The following FOXN4 variants were observed in gnomAD, a reference collection of about 807,000 sequenced individuals.
The protein encoded by FOXN4 is forkhead box N4.
FOXN4 carries 12 observed loss-of-function variants against 45.0 expected under a neutral mutation model. That is an observed-to-expected ratio of 0.27 (90% CI 0.17 to 0.43). The LOEUF is 0.43. Among genes scored for constraint, FOXN4 ranks in the 20% least tolerant of loss-of-function variants. The probability of loss-of-function intolerance (pLI) is 1.00; values close to 1 mark genes in which losing one functional copy is unlikely to be tolerated. For missense variants in FOXN4, 560 were observed against 694.9 expected (o/e 0.81, Z 2.18); for synonymous variants, 297 against 295.0 (o/e 1.01, Z -0.07).
chr12:109,307,472 GA>G lies in FOXN4; in HGVS notation c.86+763del, dbSNP rs1398243758. On this transcript the variant is annotated intron_variant, in intron 2 of 9. Transcript: ENST00000299162. ...CCTTTTCCTCCTTTTCCCTCCTGGAGACCTTGGACAAGCCCTTTCCCCTTTC... is the reference window on the plus strand; with the variant it reads ...CCTTTTCCTCCTTTTCCCTCCTGGAGCCTTGGACAAGCCCTTTCCCCTTTC... Among the ~76,000 whole-genome samples, 24 of 152,140 alleles carry G rather than the reference GA, an allele frequency of 1.6e-4. 2 individuals are homozygous for G. The highest frequency in any genetic ancestry group is 1.6e-3 in the Admixed American group (24 of 15,280).
intron 8 of FOXN4, among the ~76,000 whole-genome samples, chr12:109,284,659 C>T (rs73401946): frequency 6.2e-4 from 94 of 150,706 alleles, no homozygotes; most frequent in African/African-American, 2.1e-3. Context: ...TCCTCTTCCA[C>T]GTGTGTGTGC....
chr12:109,298,331 G>GT (rs372774683), intron 2 of FOXN4, among the ~76,000 whole-genome samples: 7,520 of 121,380 alleles, frequency 0.062, 251 homozygotes, highest in South Asian at 0.12. Flanking sequence ...TTTGTTTCAG[G>GT]TTTTTTTTTT....
intron 8 of FOXN4, 57 bp downstream of exon 8, chr12:109,285,247 G>A: frequency 8.3e-7 from 1 of 1,210,654 alleles, no homozygotes; most frequent in Non-Finnish European, 1.1e-6. Context: ...CCTCTTCCGT[G>A]TGTGTGTGTG....
In FOXN4 at chr12:109,290,901, C is replaced by T. The variant is rs781754076; in HGVS notation, c.87-615G>A. The stretch of plus-strand genomic sequence containing the variant: ...GGCCCTGGACTCAGCATTCAACAAG[C>T]GCTGTCCTGCACAATCCCCACAGCT... On this transcript the variant is annotated intron_variant, in intron 2 of 9. Coordinates refer to ENST00000299162, the MANE Select transcript of FOXN4 (RefSeq NM_213596.3). The surrounding 1 kb of genome is among the most constrained non-coding windows in gnomAD (Gnocchi z 5.1). Among the ~76,000 whole-genome samples the T allele has an allele frequency of 2.0e-5, 3 of 152,188 alleles. No individual in the cohort carries two copies. The highest frequency in any genetic ancestry group is 4.4e-5 in the Non-Finnish European group (3 of 68,034).
rs776629656 is a variant in FOXN4 at position 109,287,904 on chromosome 12, C to T, written c.408G>A (p.Pro136=). ...GGQPSSGLQD[P]PHLYSPATQP... ...GGGTGGCAGGTGAGTACAGATGCGGCGGGTCCTGCAGGCCAGATGAGGGCT... is the reference window on the plus strand; with the variant it reads ...GGGTGGCAGGTGAGTACAGATGCGGTGGGTCCTGCAGGCCAGATGAGGGCT... The change falls in exon 5 of 10, where the codon CCG becomes CCA. Residue 136 remains proline (P), a synonymous_variant. Transcript: ENST00000299162. This position sits in a 1 kb window ranked among gnomAD's most constrained non-coding sequence, Gnocchi z 4.1. The T allele has an allele frequency of 1.1e-4, 171 of 1,549,932 alleles. No homozygotes were observed. Among genetic ancestry groups the T allele is most frequent in the Non-Finnish European group, 1.4e-4 (160 of 1,146,776 alleles).
At chr12:109,283,475 C>CTT (rs5800847) in intron 8 of FOXN4, among the ~76,000 whole-genome samples, 27 of 129,682 alleles carry the variant, frequency 2.1e-4, no homozygotes, top group East Asian at 9.2e-4. Context: ...TGTTTGAGAA[C>CTT]TTTTTTTTTT....
chr12:109,292,101 G>A (rs924571625), intron 2 of FOXN4, among the ~76,000 whole-genome samples: 1 of 152,174 alleles, frequency 6.6e-6, no homozygotes, highest in African/African-American at 2.4e-5. Flanking sequence ...CCGCTGTTGG[G>A]GGTGCTGGCC....
intron 2 of FOXN4, among the ~76,000 whole-genome samples, chr12:109,298,343 TG>T (rs1167469073): frequency 3.8e-4 from 50 of 132,914 alleles, no homozygotes; most frequent in African/African-American, 1.3e-3. Flanking sequence ...TTTTTTTTTT[TG>T]TTTTTTTTTT....
intron 2 of FOXN4, among the ~76,000 whole-genome samples, chr12:109,296,319 A>C (rs1168394337): frequency 2.0e-5 from 3 of 152,160 alleles, no homozygotes; most frequent in Admixed American, 2.0e-4. Context: ...CAGGTGTGGT[A>C]TGTGACAAGC....
At chr12:109,304,273 A>G (rs1434142752) in intron 2 of FOXN4, among the ~76,000 whole-genome samples, 2 of 84,460 alleles carry the variant, frequency 2.4e-5, no homozygotes, top group African/African-American at 4.9e-5. Flanking sequence ...GAAAGAAAGA[A>G]AGAAAGAAAG....
At position 109,291,501 on chromosome 12, in the gene FOXN4, G is replaced by A. The variant is rs967440995; in HGVS notation, c.87-1215C>T. Among the ~76,000 whole-genome samples, 3 of 152,020 alleles carry A rather than the reference G, an allele frequency of 2.0e-5. No homozygotes were observed. The highest frequency in any genetic ancestry group is 4.8e-5 in the African/African-American group (2 of 41,386). ...CCTGCCCTGGTTTTCTGCGCCTCTC[G>A]GAGGCTCCAGCAAAGCCCGGCCCCT... On this transcript the variant is annotated intron_variant, in intron 2 of 9. Coordinates refer to ENST00000299162, the MANE Select transcript of FOXN4 (RefSeq NM_213596.3). The surrounding 1 kb of genome is among the most constrained non-coding windows in gnomAD (Gnocchi z 6.6).
intron 1 of FOXN4, 148 bp from the exon 2 acceptor site, chr12:109,308,472 G>T (rs2047940415): frequency 1.9e-6 from 1 of 533,072 alleles, no homozygotes. Flanking sequence ...AGTTCTAGAG[G>T]ATTCCTGGGC....
At chr12:109,300,884 G>A (rs1292242189) in intron 2 of FOXN4, among the ~76,000 whole-genome samples, 1 of 152,064 alleles carries the variant, frequency 6.6e-6, no homozygotes, top group Non-Finnish European at 1.5e-5. Flanking sequence ...ACTCCAGCCT[G>A]GGGGACAGAG....
At chr12:109,306,017 T>C (rs1414720514) in intron 2 of FOXN4, among the ~76,000 whole-genome samples, 1 of 152,092 alleles carries the variant, frequency 6.6e-6, no homozygotes, top group Non-Finnish European at 1.5e-5. Context: ...GTCAGCTGGG[T>C]GGCCCAGATG....
intron 1 of FOXN4, among the ~76,000 whole-genome samples, chr12:109,308,546 G>T (rs899813428): frequency 1.3e-5 from 2 of 152,142 alleles, no homozygotes; most frequent in African/African-American, 2.4e-5. Context: ...AGAATGAAAT[G>T]AAATTCCCGG....
At chr12:109,297,887 G>C (rs1362990278) in intron 2 of FOXN4, among the ~76,000 whole-genome samples, 1 of 151,946 alleles carries the variant, frequency 6.6e-6, no homozygotes, top group East Asian at 1.9e-4. Flanking sequence ...TGGTTCCTTG[G>C]CCCATCAGCC....
chr12:109,284,812 G>A (rs1165915149), intron 8 of FOXN4, among the ~76,000 whole-genome samples: 1 of 146,728 alleles, frequency 6.8e-6, no homozygotes, highest in South Asian at 2.2e-4. Context: ...GGGCTATCTG[G>A]GCCTCACTGG....
Position 109,290,233 on chromosome 12 carries a change from G to C in FOXN4, c.140C>G (p.Ser47Trp), listed in dbSNP as rs376144049. 1 of 1,551,486 alleles carries C rather than the reference G, an allele frequency of 6.4e-7. No individual in the cohort carries two copies. Among genetic ancestry groups the C allele is most frequent in the South Asian group, 1.2e-5 (1 of 84,038 alleles). Residue 47 changes from serine to tryptophan, a missense_variant, in exon 3 of 10, where the codon TCG becomes TGG. Transcript: ENST00000299162. The surrounding 1 kb of genome is among the most constrained non-coding windows in gnomAD (Gnocchi z 5.1). ...AGGCACATCCACCGCCGTGAGCCAC[G>C]ACAGCGACTGCAGGTCCCCGGGAAG... is the stretch of plus-strand genomic sequence containing the variant. The part of the protein sequence containing the change: ...DDLPGDLQSL[S>W]WLTAVDVPRL...
rs181340095 is a variant in FOXN4 at position 109,287,001 on chromosome 12, C to G, written c.597-257G>C. On this transcript the variant is annotated intron_variant, in intron 6 of 9. Transcript: ENST00000299162. This position sits in a 1 kb window ranked among gnomAD's most constrained non-coding sequence, Gnocchi z 4.1. ...TTACCCTTTCCCCTCTTTATTGCAT[C>G]CCCATAATTTTAATGGCTATGAGCC... 1 of 925,706 alleles carries G rather than the reference C, an allele frequency of 1.1e-6. No homozygotes were observed. Among genetic ancestry groups the G allele is most frequent in the African/African-American group, 1.7e-5 (1 of 59,180 alleles). The allele number at this position is 925,706 out of a possible 1,614,324, so 57.3% of individuals were successfully genotyped here. A position where few individuals can be genotyped will look rare whatever the true frequency, so the allele number is the denominator to read the frequency against.
Sources: gnomAD v4.1 joint callset for allele counts (sites outside exome capture counted in the v4.1 genomes callset) on GRCh38, gnomAD v4.1.1 for gene constraint, Gnocchi (gnomAD v3.1) non-coding constraint, MANE v1.5 for transcripts, NCBI Gene and HGNC (gene_info 2026-07-23, HGNC 2026-07-21) for gene names.